Variants in CPSF7 observed in about 807,000 individuals in gnomAD.
The protein encoded by CPSF7 is cleavage and polyadenylation specific factor 7.
Under a neutral mutation model 44.3 loss-of-function variants are expected in CPSF7, and 1 was observed. The ratio of observed to expected loss-of-function variants is 0.02; its 90% CI spans 0.01 to 0.11. The LOEUF is 0.11. Ranked by LOEUF, CPSF7 falls within the 10% of genes least tolerant of loss-of-function variation. CPSF7 has a pLI of 1.00. For synonymous variants in CPSF7, 202 were observed against 222.0 expected (o/e 0.91, Z 0.80); for missense variants, 443 against 607.2 (o/e 0.73, Z 2.84).
intron 5 of CPSF7, among the ~76,000 whole-genome samples, chr11:61,419,431 T>TA (rs1860652554): frequency 6.6e-6 from 1 of 152,198 alleles, no homozygotes; most frequent in Admixed American, 6.5e-5. Flanking sequence ...GTTCAAGTCT[T>TA]ATTCTCCAAC....
In CPSF7 at chr11:61,429,200, A is replaced by G. The variant is rs1861689985; in HGVS notation, c.36T>C (p.Ala12=). ...SEGVDLIDIY[A]DEEFNQDPEF... ...ACCTCACCTGGTTGAACTCCTCGTC[A>G]GCATATATATCAATCAAGTCCACTC... is the stretch of plus-strand genomic sequence containing the variant. Residue 12 remains alanine (A), a synonymous_variant, in exon 2 of 10, where the codon GCT becomes GCC. Transcript: ENST00000439958. The G allele has an allele frequency of 5.0e-6, 8 of 1,606,612 alleles. No individual in the cohort carries two copies. In the Admixed American group the frequency reaches 6.7e-5, roughly 13 times the overall value.
rs1348868779 is a variant in CPSF7 at position 61,429,927 on chromosome 11, G to GCGGCGGCGGCGAGTC, written c.-84_-70dup. The stretch of plus-strand genomic sequence containing the variant: ...CGCCCCCGTTACCGGGAATATGGCG[G>GCGGCGGCGGCGAGTC]CGGCGGCGGCGAGTCCGGACTAGGC... On this transcript the variant is annotated 5_prime_UTR_variant, in exon 1 of 10. Transcript: ENST00000439958. 2.1e-6 allele frequency: 3 copies of GCGGCGGCGGCGAGTC among 1,450,948 alleles called. No individual in the cohort carries two copies. In the East Asian group the frequency reaches 7.8e-5, roughly 38 times the overall value. 89.9% of individuals were successfully genotyped at this position (1,450,948 alleles called of 1,614,324 possible).
rs1206531161 is a variant in CPSF7, at chr11:61,403,757, T to A, written c.*953A>T. 1 of 152,294 alleles carries A rather than the reference T, an allele frequency of 6.6e-6. No individual in the cohort carries two copies. The highest frequency in any genetic ancestry group is 1.5e-5 in the Non-Finnish European group (1 of 68,068). 9.4% of individuals were successfully genotyped at this position (152,294 alleles called of 1,614,324 possible). On this transcript the variant is annotated 3_prime_UTR_variant, in exon 10 of 10. Transcript: ENST00000439958. ...CCTGCCCAACTTGCTTCTTTCCCCATTCCTCCTGGTTACTTCACAAGGGTT... is the reference window on the plus strand; with the variant it reads ...CCTGCCCAACTTGCTTCTTTCCCCAATCCTCCTGGTTACTTCACAAGGGTT...
In CPSF7 at chr11:61,429,922, T is replaced by TGGCGGC. The variant is rs916956107; in HGVS notation, c.-70_-65dup. The TGGCGGC allele has an allele frequency of 1.2e-5, 18 of 1,468,140 alleles. No homozygotes were observed. The Admixed American group carries it at 1.3e-4, about 10-fold the overall frequency. The allele number at this position is 1,468,140 out of a possible 1,614,324, so 90.9% of individuals were successfully genotyped here. On this transcript the variant is annotated 5_prime_UTR_variant, in exon 1 of 10. Transcript: ENST00000439958. ...CCGCGCGCCCCCGTTACCGGGAATA[T>TGGCGGC]GGCGGCGGCGGCGGCGAGTCCGGAC...
At chr11:61,425,043 C>T (rs781358806) in intron 2 of CPSF7, among the ~76,000 whole-genome samples, 2 of 152,204 alleles carry the variant, frequency 1.3e-5, no homozygotes, top group Non-Finnish European at 2.9e-5. Flanking sequence ...ATAGGATAGA[C>T]TAGATCCTGG....
At chr11:61,415,544 C>T in intron 7 of CPSF7, 122 bp downstream of exon 7, 1 of 671,976 alleles carries the variant, frequency 1.5e-6, no homozygotes, top group South Asian at 1.8e-5. Flanking sequence ...TCAAAGTATG[C>T]CGCTCTTGAT....
chr11:61,405,497 C>T (rs1038977887), intron 9 of CPSF7, among the ~76,000 whole-genome samples: 7 of 152,148 alleles, frequency 4.6e-5, no homozygotes, highest in African/African-American at 1.7e-4. Flanking sequence ...GAAGTTTTAC[C>T]CAAAAGGGTC....
chr11:61,413,633 C>CAAAAA (rs1192019975), intron 7 of CPSF7, among the ~76,000 whole-genome samples: 3 of 85,898 alleles, frequency 3.5e-5, no homozygotes, highest in Admixed American at 1.4e-4. Context: ...GACTTCGTCT[C>CAAAAA]AAAAAAAAAA....
intron 5 of CPSF7, among the ~76,000 whole-genome samples, chr11:61,418,964 C>T (rs1430916973): frequency 2.0e-5 from 3 of 151,166 alleles, no homozygotes; most frequent in South Asian, 2.1e-4. Context: ...GGTATCTGCC[C>T]GCCTCAGCCT....
intron 5 of CPSF7, 151 bp downstream of exon 5, chr11:61,419,798 G>A (rs1044999885): frequency 2.3e-5 from 21 of 894,716 alleles, no homozygotes; most frequent in African/African-American, 6.7e-5. Context: ...ACTACTTGTC[G>A]ACCATGACAC....
chr11:61,421,555 T>C lies in CPSF7; in HGVS notation c.108A>G (p.Thr36=). ...DQIDLYDDVL[T]ATSQPSDDRS... is the part of the protein sequence containing the mutation. ...TGTCATCTGAGGGCTGTGAGGTGGC[T>C]GTCAGCACATCATCATACAGGTCAA... Residue 36 remains threonine (T), a synonymous_variant, in exon 3 of 10, where the codon ACA becomes ACG. Coordinates refer to ENST00000439958, the MANE Select transcript of CPSF7 (RefSeq NM_001142565.3). The C allele has an allele frequency of 6.2e-7, 1 of 1,614,070 alleles. No homozygotes were observed.
intron 9 of CPSF7, among the ~76,000 whole-genome samples, chr11:61,410,176 C>A (rs1362537510): frequency 6.6e-6 from 1 of 152,030 alleles, no homozygotes; most frequent in Non-Finnish European, 1.5e-5. Context: ...CAGATCACTG[C>A]AGCCTCGACC....
intron 3 of CPSF7, chr11:61,420,986 CAGAACA>C: frequency 1.1e-6 from 1 of 921,208 alleles, no homozygotes; most frequent in African/African-American, 1.7e-5. Flanking sequence ...AAATAACTTG[CAGAACA>C]ACAGTCACCA....
At position 61,429,330 on chromosome 11, in the gene CPSF7, G is replaced by C. The variant is rs759217888; in HGVS notation, c.-55-40C>G. Reference sequence around the variant, plus strand: ...AAAATGCAAGAATTAGAAGGCACGAGGGTCCTGGGCTGGGAAGAGGGTAAT... The same window carrying C: ...AAAATGCAAGAATTAGAAGGCACGACGGTCCTGGGCTGGGAAGAGGGTAAT... On this transcript the variant is annotated intron_variant, in intron 1 of 9. Transcript: ENST00000439958. 8.1e-6 allele frequency: 10 copies of C among 1,233,316 alleles called. No individual in the cohort carries two copies. The East Asian group carries it at 9.3e-5, about 11-fold the overall frequency. 76.4% of individuals were successfully genotyped at this position (1,233,316 alleles called of 1,614,324 possible). A position where few individuals can be genotyped will look rare whatever the true frequency, so the allele number is the denominator to read the frequency against.
intron 2 of CPSF7, 155 bp downstream of exon 2, chr11:61,429,027 G>A (rs1861666596): frequency 1.1e-5 from 6 of 544,896 alleles, no homozygotes; most frequent in Non-Finnish European, 2.0e-5. Flanking sequence ...GAGGAATGGA[G>A]TGTAGTCTTT....
intron 2 of CPSF7, among the ~76,000 whole-genome samples, chr11:61,425,377 A>C (rs769131411): frequency 1.3e-5 from 2 of 152,220 alleles, no homozygotes; most frequent in Non-Finnish European, 2.9e-5. Context: ...TGAAAAGTAC[A>C]TTTTACATGC....
intron 1 of CPSF7, 136 bp downstream of exon 1, chr11:61,429,778 C>T (rs1169708183): frequency 1.3e-6 from 2 of 1,547,782 alleles, no homozygotes; most frequent in Admixed American, 2.0e-5. Flanking sequence ...CGCTCTGCCT[C>T]CTCCCTCAAA....
chr11:61,408,254 G>A (rs1365046052), intron 9 of CPSF7, among the ~76,000 whole-genome samples: 1 of 151,724 alleles, frequency 6.6e-6, no homozygotes, highest in Non-Finnish European at 1.5e-5. Context: ...GTAGAGATGG[G>A]GTTTCACCGT....
chr11:61,406,694 A>T (rs1411724236), intron 9 of CPSF7, among the ~76,000 whole-genome samples: 1 of 152,222 alleles, frequency 6.6e-6, no homozygotes, highest in Non-Finnish European at 1.5e-5. Context: ...AAAGTTACCA[A>T]AAGAGAGTTA....
Sources: allele counts gnomAD v4.1 joint callset (sites outside exome capture counted in the v4.1 genomes callset), GRCh38; gene constraint gnomAD v4.1.1; transcripts MANE v1.5; gene names NCBI Gene and HGNC (gene_info 2026-07-23, HGNC 2026-07-21).